The following ETV6 variants were observed in gnomAD, a reference collection of about 807,000 sequenced individuals.
ETV6 encodes transcription factor ETV6.
A neutral mutation model predicts 51.1 loss-of-function variants in ETV6; 16 were observed. That is an observed-to-expected ratio of 0.31 (90% CI 0.21 to 0.48). The LOEUF is 0.48. Among genes scored for constraint, ETV6 ranks in the 20% least tolerant of loss-of-function variants. ETV6 has a pLI of 0.99. For missense variants in ETV6, 458 were observed against 594.8 expected (o/e 0.77, Z 2.39); for synonymous variants, 240 against 224.1 (o/e 1.07, Z -0.64).
intron 7 of ETV6, among the ~76,000 whole-genome samples, chr12:11,889,684 A>C (rs1947257755): frequency 6.6e-6 from 1 of 152,214 alleles, no homozygotes; most frequent in Non-Finnish European, 1.5e-5. Context: ...CAAGACCGCT[A>C]GACTGCATTG....
chr12:11,721,258 C>A (rs980538132), intron 1 of ETV6, among the ~76,000 whole-genome samples: 1 of 152,160 alleles, frequency 6.6e-6, no homozygotes, highest in African/African-American at 2.4e-5. Context: ...AAGACATATA[C>A]ACTTGTATGT....
At position 11,891,905 on chromosome 12, in the gene ETV6, C is replaced by G. The variant is rs1227409618; in HGVS notation, c.*859C>G. ...CTGCTGTGCTGCAGACAGATACATG[C>G]TAGTCCAGAGAGCCGCCCCTGAGAT... On this transcript the variant is annotated 3_prime_UTR_variant, in exon 8 of 8. Transcript: ENST00000396373. 5 of 259,874 alleles carry G rather than the reference C, an allele frequency of 1.9e-5. No individual in the cohort carries two copies. Among genetic ancestry groups the G allele is most frequent in the African/African-American group, 1.1e-4 (5 of 46,242 alleles). 16.1% of individuals were successfully genotyped at this position (259,874 alleles called of 1,614,324 possible). A position where few individuals can be genotyped will look rare whatever the true frequency, so the allele number is the denominator to read the frequency against.
At chr12:11,749,799 T>C (rs1865987869) in intron 1 of ETV6, among the ~76,000 whole-genome samples, 1 of 152,192 alleles carries the variant, frequency 6.6e-6, no homozygotes, top group African/African-American at 2.4e-5. Flanking sequence ...CCAAGTGCTC[T>C]GCAGCCACCA....
intron 1 of ETV6, among the ~76,000 whole-genome samples, chr12:11,717,515 C>T (rs570240566): frequency 5.2e-4 from 79 of 152,292 alleles, no homozygotes; most frequent in Non-Finnish European, 1.0e-3. Context: ...AATACAGTAA[C>T]GCTATGGGGC....
At chr12:11,856,979 GTAGGTGGA>G (rs1363056278) in intron 4 of ETV6, among the ~76,000 whole-genome samples, 3 of 152,240 alleles carry the variant, frequency 2.0e-5, no homozygotes, top group Non-Finnish European at 4.4e-5. Flanking sequence ...GGGTAGGTAA[GTAGGTGGA>G]TAGGTGGATA....
chr12:11,834,734 C>T (rs1946290424), intron 2 of ETV6, among the ~76,000 whole-genome samples: 1 of 152,228 alleles, frequency 6.6e-6, no homozygotes, highest in Non-Finnish European at 1.5e-5. Context: ...ATCTCAGGGT[C>T]ATGGCCATGG....
chr12:11,846,226 A>C (rs1214406759), intron 3 of ETV6, among the ~76,000 whole-genome samples: 1 of 102,468 alleles, frequency 9.8e-6, no homozygotes, highest in Non-Finnish European at 1.8e-5. Flanking sequence ...GCATACTCTT[A>C]CTTTAAAAAA....
In ETV6 at chr12:11,748,734, C is replaced by T. The variant is rs561551008; in HGVS notation, c.34-3716C>T. On this transcript the variant is annotated intron_variant, in intron 1 of 7. Transcript: ENST00000396373. ...ATACACCTATTTTACAGGGAAGTCA[C>T]GGGCTCCTAAGCATTCAGTTTAAAA... 9.9e-5 allele frequency among the ~76,000 whole-genome samples: 15 copies of T among 152,268 alleles called. 1 individual carries two copies. In the South Asian group the frequency reaches 1.0e-3, roughly 11 times the overall value.
At position 11,751,988 on chromosome 12, in the gene ETV6, T is replaced by C. The variant is rs570839142; in HGVS notation, c.34-462T>C. 1.7e-4 allele frequency: 56 copies of C among 330,498 alleles called. 1 individual carries two copies. Among genetic ancestry groups the C allele is most frequent in the African/African-American group, 1.1e-3 (53 of 46,440 alleles). 20.5% of individuals were successfully genotyped at this position (330,498 alleles called of 1,614,324 possible). ...GTCACTTTACTTGATCAGCTCACTA[T>C]GGAAGTGAATCTAGAATCATACTTT... On this transcript the variant is annotated intron_variant, in intron 1 of 7. Transcript: ENST00000396373.
At chr12:11,888,355 C>G (rs867861684) in intron 7 of ETV6, among the ~76,000 whole-genome samples, 1 of 151,606 alleles carries the variant, frequency 6.6e-6, no homozygotes, top group Non-Finnish European at 1.5e-5. Flanking sequence ...TTTCCTGGAG[C>G]CCTTAACTAC....
rs140179566 is a variant in ETV6, at chr12:11,748,860, A to G, written c.34-3590A>G. 1.9e-3 allele frequency among the ~76,000 whole-genome samples: 289 copies of G among 152,256 alleles called. 1 individual carries two copies. Among genetic ancestry groups the G allele is most frequent in the African/African-American group, 6.6e-3 (275 of 41,540 alleles). ...TTTTGGCTTCAGTCCTTACGCTTTC[A>G]AGAGACAACCCTACTCCATACTTCA... On this transcript the variant is annotated intron_variant, in intron 1 of 7. Coordinates refer to ENST00000396373, the MANE Select transcript of ETV6 (RefSeq NM_001987.5).
intron 1 of ETV6, among the ~76,000 whole-genome samples, chr12:11,659,137 T>A (rs971652768): frequency 6.6e-6 from 1 of 152,210 alleles, no homozygotes; most frequent in Non-Finnish European, 1.5e-5. Flanking sequence ...TCGTGGAAGT[T>A]TAATTATACA....
At chr12:11,702,025 G>A (rs571335937) in intron 1 of ETV6, among the ~76,000 whole-genome samples, 4 of 152,146 alleles carry the variant, frequency 2.6e-5, no homozygotes, top group Non-Finnish European at 5.9e-5. Flanking sequence ...TGAATGCCAT[G>A]CTAAGGATTG....
chr12:11,781,276 T>C (rs751980099), intron 2 of ETV6, among the ~76,000 whole-genome samples: 2 of 152,208 alleles, frequency 1.3e-5, no homozygotes, highest in African/African-American at 2.4e-5. Context: ...ATCCCAGAGA[T>C]AGCAGGACAG....
chr12:11,682,013 A>G (rs1864540088), intron 1 of ETV6, among the ~76,000 whole-genome samples: 1 of 152,234 alleles, frequency 6.6e-6, no homozygotes, highest in Non-Finnish European at 1.5e-5. Context: ...TATTGTGAAC[A>G]GTGTCACAAT....
At chr12:11,752,375 G>C in intron 1 of ETV6, 75 bp from the exon 2 acceptor site, 1 of 1,529,112 alleles carries the variant, frequency 6.5e-7, no homozygotes, top group Admixed American at 1.8e-5. Context: ...CCCACCCCGA[G>C]ATGGTCTCAT....
In ETV6 at chr12:11,717,408, G is replaced by A. The variant is rs945828484; in HGVS notation, c.34-35042G>A. Among the ~76,000 whole-genome samples the A allele has an allele frequency of 4.6e-5, 7 of 152,222 alleles. No individual in the cohort carries two copies. The East Asian group carries it at 1.2e-3, about 25-fold the overall frequency. The stretch of plus-strand genomic sequence containing the variant: ...GGTTCTGGAGGACAGGCTGTGCACA[G>A]GGATTCAGACAGAGTGTAGTAACAA... On this transcript the variant is annotated intron_variant, in intron 1 of 7. Transcript: ENST00000396373.
chr12:11,719,595 C>A (rs1865343682), intron 1 of ETV6, among the ~76,000 whole-genome samples: 1 of 152,232 alleles, frequency 6.6e-6, no homozygotes, highest in African/African-American at 2.4e-5. Context: ...AATAAAGATG[C>A]ATTTATCTCT....
At chr12:11,688,215 A>C (rs2541143) in intron 1 of ETV6, among the ~76,000 whole-genome samples, 1 of 152,074 alleles carries the variant, frequency 6.6e-6, no homozygotes, top group Non-Finnish European at 1.5e-5. Context: ...CGACCACCTC[A>C]TGGAAGAGTC....
Sources: allele counts gnomAD v4.1 joint callset (sites outside exome capture counted in the v4.1 genomes callset), GRCh38; gene constraint gnomAD v4.1.1; transcripts MANE v1.5; gene names NCBI Gene and HGNC (gene_info 2026-07-23, HGNC 2026-07-21).